Variants in REDIC1 observed in about 807,000 individuals in gnomAD.
REDIC1 encodes regulator of DNA class I crossover intermediates 1.
chr12:39,800,338 C>G, the REDIC1 span, among the ~76,000 whole-genome samples: 1 of 152,080 alleles, frequency 6.6e-6, no homozygotes, highest in Admixed American at 6.6e-5. Context: ...GAATTCGCAA[C>G]CTACTCATCT....
the REDIC1 span, among the ~76,000 whole-genome samples, chr12:39,752,097 A>C: frequency 6.6e-6 from 1 of 152,182 alleles, no homozygotes; most frequent in Non-Finnish European, 1.5e-5. Context: ...GCACTGTAGG[A>C]GGTGCTAGAG....
At chr12:39,638,923 A>G in the REDIC1 span, among the ~76,000 whole-genome samples, 1 of 152,082 alleles carries the variant, frequency 6.6e-6, no homozygotes, top group African/African-American at 2.4e-5. Flanking sequence ...CACACAATGC[A>G]TACATATATG....
At chr12:39,666,126 G>C in the REDIC1 span, among the ~76,000 whole-genome samples, 1 of 152,156 alleles carries the variant, frequency 6.6e-6, no homozygotes, top group Non-Finnish European at 1.5e-5. Flanking sequence ...GTGAGAGAGG[G>C]CATCCCTGTC....
At chr12:39,896,389 T>G in the REDIC1 span, among the ~76,000 whole-genome samples, 1 of 141,252 alleles carries the variant, frequency 7.1e-6, no homozygotes, top group African/African-American at 2.8e-5. Context: ...TGTATGTATA[T>G]GTGTATATAT....
chr12:39,880,573 A>G, the REDIC1 span, among the ~76,000 whole-genome samples: 1 of 152,254 alleles, frequency 6.6e-6, no homozygotes, highest in Non-Finnish European at 1.5e-5. Context: ...AGAAACCTGC[A>G]GAAAGTTTAC....
chr12:39,644,105 TTTTTA>T, the REDIC1 span, among the ~76,000 whole-genome samples: 2 of 151,832 alleles, frequency 1.3e-5, no homozygotes, highest in Non-Finnish European at 3.0e-5. Context: ...CCAATTTTTA[TTTTTA>T]TTTTGTGTAT....
chr12:39,839,649 G>A, the REDIC1 span, among the ~76,000 whole-genome samples: 1 of 151,940 alleles, frequency 6.6e-6, no homozygotes, highest in Non-Finnish European at 1.5e-5. Flanking sequence ...CTCAGATAGT[G>A]GCATCTTCAT....
the REDIC1 span, among the ~76,000 whole-genome samples, chr12:39,705,119 G>T: frequency 6.6e-6 from 1 of 151,470 alleles, no homozygotes; most frequent in African/African-American, 2.4e-5. Context: ...TAAAATCAGA[G>T]ATGAAAAAGG....
chr12:39,838,558 A>G, the REDIC1 span, among the ~76,000 whole-genome samples: 1 of 151,632 alleles, frequency 6.6e-6, no homozygotes, highest in South Asian at 2.1e-4. Context: ...GAAAGGGGAA[A>G]AGTAAGTATT....
the REDIC1 span, among the ~76,000 whole-genome samples, chr12:39,896,593 C>T: frequency 6.1e-4 from 92 of 150,314 alleles, no homozygotes; most frequent in Non-Finnish European, 1.1e-3. Flanking sequence ...TATATGTATA[C>T]ATATATGTAT....
chr12:39,800,161 T>C, the REDIC1 span, among the ~76,000 whole-genome samples: 1 of 152,204 alleles, frequency 6.6e-6, no homozygotes, highest in Non-Finnish European at 1.5e-5. Context: ...TAATATAACT[T>C]TAAATCCTTG....
chr12:39,841,027 C>T, the REDIC1 span, among the ~76,000 whole-genome samples: 1 of 152,154 alleles, frequency 6.6e-6, no homozygotes, highest in African/African-American at 2.4e-5. Flanking sequence ...TTACAATTCA[C>T]GGCTCTCAGA....
At chr12:39,859,523 T>C in the REDIC1 span, among the ~76,000 whole-genome samples, 1 of 151,926 alleles carries the variant, frequency 6.6e-6, no homozygotes, top group Non-Finnish European at 1.5e-5. Flanking sequence ...TGAGAAGTTT[T>C]TGTTTGTTTG....
At chr12:39,701,762 A>G in the REDIC1 span, among the ~76,000 whole-genome samples, 1 of 152,200 alleles carries the variant, frequency 6.6e-6, no homozygotes, top group East Asian at 1.9e-4. Flanking sequence ...GTGCAATCAA[A>G]CTAGAACTCA....
chr12:39,639,440 T>C, the REDIC1 span, among the ~76,000 whole-genome samples: 1 of 151,946 alleles, frequency 6.6e-6, no homozygotes, highest in Non-Finnish European at 1.5e-5. Context: ...AAGAACATAT[T>C]CAATAAGTAG....
chr12:39,731,546 C>G, the REDIC1 span, among the ~76,000 whole-genome samples: 3 of 152,114 alleles, frequency 2.0e-5, no homozygotes, highest in Non-Finnish European at 4.4e-5. Flanking sequence ...GGGGCACCCG[C>G]CAGATGCCAG....
At chr12:39,891,093 A>G in the REDIC1 span, among the ~76,000 whole-genome samples, 1 of 150,296 alleles carries the variant, frequency 6.7e-6, no homozygotes, top group Non-Finnish European at 1.5e-5. Context: ...CTAAATCACT[A>G]AGAATCTCTC....
At chr12:39,750,707 C>A in the REDIC1 span, among the ~76,000 whole-genome samples, 12 of 152,128 alleles carry the variant, frequency 7.9e-5, no homozygotes, top group African/African-American at 1.9e-4. Flanking sequence ...CTGGTACCAA[C>A]GCAGAGATAT....
the REDIC1 span, among the ~76,000 whole-genome samples, chr12:39,822,232 C>T: frequency 6.6e-6 from 1 of 151,956 alleles, no homozygotes; most frequent in East Asian, 1.9e-4. Context: ...ACGTTTCCTG[C>T]CCAAGTGTTA....
Sources: allele counts gnomAD v4.1 joint callset (sites outside exome capture counted in the v4.1 genomes callset), GRCh38; gene constraint gnomAD v4.1.1; transcripts MANE v1.5; gene names NCBI Gene and HGNC (gene_info 2026-07-23, HGNC 2026-07-21).